Variants in MYOM1 observed in about 807,000 individuals in gnomAD.
MYOM1 encodes myomesin-1.
MYOM1 carries 164 observed loss-of-function variants against 205.3 expected under a neutral mutation model. That is an observed-to-expected ratio of 0.80 (90% CI 0.70 to 0.91). MYOM1 has a LOEUF of 0.91. Ranked by LOEUF, MYOM1 falls within the 40% of genes least tolerant of loss-of-function variation. The pLI is 0.00. For missense variants in MYOM1, 2,011 were observed against 2,127.3 expected (o/e 0.95, Z 1.08); for synonymous variants, 772 against 789.4 (o/e 0.98, Z 0.37).
rs1438936397 is a variant in MYOM1 at position 3,085,171 on chromosome 18, GC to G, written c.4252-40del. On this transcript the variant is annotated intron_variant, in intron 30 of 37. Coordinates refer to ENST00000356443, the MANE Select transcript of MYOM1 (RefSeq NM_003803.4). ...GATATACCACATTGCACCTTTCGTA[GC>G]CCCAGGGCACGGTATCTGTGATTTT... The G allele has an allele frequency of 3.7e-6, 5 of 1,334,644 alleles. No individual in the cohort carries two copies. In the Admixed American group the frequency reaches 1.1e-4, roughly 28 times the overall value. The allele number at this position is 1,334,644 out of a possible 1,614,324, so 82.7% of individuals were successfully genotyped here. A position where few individuals can be genotyped will look rare whatever the true frequency, so the allele number is the denominator to read the frequency against.
At chr18:3,172,406 G>A (rs772401872) in intron 8 of MYOM1, among the ~76,000 whole-genome samples, 4 of 152,178 alleles carry the variant, frequency 2.6e-5, no homozygotes, top group Non-Finnish European at 5.9e-5. Context: ...CATGGATGAT[G>A]ATACAGTTGT....
At chr18:3,172,934 G>T (rs2080582626) in intron 8 of MYOM1, among the ~76,000 whole-genome samples, 2 of 152,136 alleles carry the variant, frequency 1.3e-5, no homozygotes, top group African/African-American at 4.8e-5. Flanking sequence ...ATCACAACTT[G>T]GGATATTAAA....
At chr18:3,107,076 CAAAT>C (rs1161249985) in intron 22 of MYOM1, among the ~76,000 whole-genome samples, 5 of 152,010 alleles carry the variant, frequency 3.3e-5, no homozygotes, top group East Asian at 1.9e-4. Flanking sequence ...ATAAAGGAAA[CAAAT>C]AAAAACTATT....
At chr18:3,193,773 A>G in intron 3 of MYOM1, 45 bp downstream of exon 3, 1 of 1,592,500 alleles carries the variant, frequency 6.3e-7, no homozygotes. Flanking sequence ...AGCACTTACT[A>G]TATACTTCTT....
intron 5 of MYOM1, among the ~76,000 whole-genome samples, chr18:3,185,227 G>A (rs958780614): frequency 1.3e-5 from 2 of 152,270 alleles, no homozygotes; most frequent in East Asian, 3.9e-4. Context: ...CACCATCAGC[G>A]GTATGTGGCC....
chr18:3,075,499 A>G (rs774073977), intron 35 of MYOM1, 23 bp from the exon 36 acceptor site: 35 of 1,461,686 alleles, frequency 2.4e-5, no homozygotes, highest in Non-Finnish European at 3.0e-5. Context: ...GAAACGAACA[A>G]ACAGACGAAG....
At chr18:3,075,693 G>T (rs757772993) in intron 35 of MYOM1, 32 bp downstream of exon 35, 1 of 1,598,144 alleles carries the variant, frequency 6.3e-7, no homozygotes, top group Admixed American at 1.7e-5. Context: ...ATTAGTGCAT[G>T]CAAGTGGCAT....
intron 2 of MYOM1, 39 bp downstream of exon 2, chr18:3,214,895 T>C (rs1010529429): frequency 4.6e-6 from 7 of 1,537,688 alleles, no homozygotes; most frequent in Non-Finnish European, 6.1e-6. Flanking sequence ...ACACGCCTCT[T>C]CCTGAGGTTG....
At chr18:3,214,801 G>A in intron 2 of MYOM1, 133 bp downstream of exon 2, 6 of 1,004,538 alleles carry the variant, frequency 6.0e-6, no homozygotes, top group Non-Finnish European at 8.5e-6. Context: ...ACTCCAGCCT[G>A]GGCAACAAGA....
At position 3,083,991 on chromosome 18, in the gene MYOM1, A is replaced by T. The variant is rs730880167; in HGVS notation, c.4376T>A (p.Ile1459Lys). 1.6e-4 allele frequency: 252 copies of T among 1,588,390 alleles called. No individual in the cohort carries two copies. Among genetic ancestry groups the T allele is most frequent in the Non-Finnish European group, 6.0e-6 (7 of 1,165,930 alleles). ...GTGGTGCGAAATGTTTGACTCACCT[A>T]TTTTTTTGCATACTTCCATCATCAG... ...KELMMEVCKKIALSATDLKIQ... is the reference protein window; with the variant it reads ...KELMMEVCKKKALSATDLKIQ... Residue 1459 changes from isoleucine (I) to lysine (K), a missense_variant and splice_region_variant, in exon 32 of 38, where the codon ATA becomes AAA. Transcript: ENST00000356443.
At chr18:3,243,252 A>G in the MYOM1 span, among the ~76,000 whole-genome samples, 3 of 152,228 alleles carry the variant, frequency 2.0e-5, no homozygotes, top group African/African-American at 7.2e-5. Context: ...TTAAAGGATT[A>G]ATGCTAATTG....
intron 22 of MYOM1, among the ~76,000 whole-genome samples, chr18:3,110,777 T>C (rs1413583044): frequency 6.7e-6 from 1 of 149,938 alleles, no homozygotes; most frequent in African/African-American, 2.5e-5. Flanking sequence ...TCTTCTGTCA[T>C]CATCCCATCA....
intron 8 of MYOM1, among the ~76,000 whole-genome samples, chr18:3,171,581 C>T (rs924982599): frequency 3.3e-5 from 5 of 151,938 alleles, no homozygotes; most frequent in African/African-American, 1.2e-4. Context: ...ATCACATGTA[C>T]TTACTATCCT....
chr18:3,127,292 TA>T (rs1445998353), intron 18 of MYOM1, among the ~76,000 whole-genome samples: 10 of 43,686 alleles, frequency 2.3e-4, no homozygotes, highest in Non-Finnish European at 2.2e-4. Flanking sequence ...CATATATATA[TA>T]TATATATATA....
chr18:3,094,730 C>T (rs901012074), intron 25 of MYOM1, among the ~76,000 whole-genome samples: 2 of 151,458 alleles, frequency 1.3e-5, no homozygotes, highest in African/African-American at 4.9e-5. Flanking sequence ...GGCATGATCT[C>T]GGCTCACTGC....
chr18:3,173,999 C>T lies in MYOM1; in HGVS notation c.1113G>A (p.Arg371=), dbSNP rs2144089371. Residue 371 remains arginine (R), a splice_region_variant and synonymous_variant, in exon 8 of 38, where the codon AGG becomes AGA. Coordinates refer to ENST00000356443, the MANE Select transcript of MYOM1 (RefSeq NM_003803.4). The stretch of plus-strand genomic sequence containing the variant: ...GAGTCTCATCAAACTCTCCCTTATA[C>T]CCTAGAGAAGAAAACAGAAACGCAT... ...LSAYASVVVK[R]YKGEFDETRF... The T allele has an allele frequency of 1.2e-6, 2 of 1,613,010 alleles. No homozygotes were observed. The highest frequency in any genetic ancestry group is 1.7e-5 in the Admixed American group (1 of 59,924).
At position 3,152,696 on chromosome 18, in the gene MYOM1, T is replaced by C. The variant is rs1033817822; in HGVS notation, c.1644-803A>G. Among the ~76,000 whole-genome samples, 5 of 151,314 alleles carry C rather than the reference T, an allele frequency of 3.3e-5. No individual in the cohort carries two copies. Among genetic ancestry groups the C allele is most frequent in the Admixed American group, 2.0e-4 (3 of 15,192 alleles). ...GATTAAGCAGCTCTTACTTTTTTTATGAGCAGAGTGCTGTACTTTTAGCTC... is the reference window on the plus strand; with the variant it reads ...GATTAAGCAGCTCTTACTTTTTTTACGAGCAGAGTGCTGTACTTTTAGCTC... On this transcript the variant is annotated intron_variant, in intron 11 of 37. Coordinates refer to ENST00000356443, the MANE Select transcript of MYOM1 (RefSeq NM_003803.4). This position sits in a 1 kb window ranked among gnomAD's most constrained non-coding sequence, Gnocchi z 4.3.
At chr18:3,111,747 C>T (rs777596643) in intron 22 of MYOM1, among the ~76,000 whole-genome samples, 10 of 152,044 alleles carry the variant, frequency 6.6e-5, no homozygotes, top group Non-Finnish European at 1.2e-4. Context: ...TTTATGTATC[C>T]TCAATGGCTT....
rs376157297 is a variant in MYOM1, at chr18:3,135,775, A to G, written c.2026-45T>C. 6.2e-7 allele frequency: 1 copy of G among 1,605,876 alleles called. No individual in the cohort carries two copies. The highest frequency in any genetic ancestry group is 2.2e-5 in the East Asian group (1 of 44,778). The stretch of plus-strand genomic sequence containing the variant: ...ACCCATTGAAAGCACAGCAAACACA[A>G]GCGAGAATCCAGGCCAGGCAACTCC... On this transcript the variant is annotated intron_variant, in intron 14 of 37. Coordinates refer to ENST00000356443, the MANE Select transcript of MYOM1 (RefSeq NM_003803.4). The surrounding 1 kb of genome is among the most constrained non-coding windows in gnomAD (Gnocchi z 4.1).
Sources: allele counts gnomAD v4.1 joint callset (sites outside exome capture counted in the v4.1 genomes callset), GRCh38; gene constraint gnomAD v4.1.1; non-coding constraint Gnocchi (gnomAD v3.1); transcripts MANE v1.5; gene names NCBI Gene and HGNC (gene_info 2026-07-23, HGNC 2026-07-21).